ADAM10: variants seen among roughly 807,000 people sequenced by gnomAD.
ADAM10 encodes the protein ADAM metallopeptidase domain 10.
In ADAM10, 17 loss-of-function variants were observed where a neutral mutation model predicts 90.1. The observed-to-expected ratio is 0.19, with a 90% confidence interval of 0.13 to 0.28. The LOEUF is 0.28. Ranked by LOEUF, ADAM10 falls within the 10% of genes least tolerant of loss-of-function variation. The pLI, the probability that ADAM10 is intolerant of heterozygous loss-of-function variation, is 1.00. For synonymous variants in ADAM10, 310 were observed against 298.6 expected, an observed-to-expected ratio of 1.04 and a Z score of -0.40; for missense variants, 610 against 914.3, an observed-to-expected ratio of 0.67 and a Z score of 4.29.
chr15:58,731,006 AC>A (rs1899217811), intron 1 of ADAM10, among the ~76,000 whole-genome samples: 3 of 152,122 alleles, frequency 2.0e-5, no homozygotes, highest in African/African-American at 7.2e-5. Context: ...CTATCATGGG[AC>A]TTTTCAGTCT....
rs145518263 is a variant in ADAM10 at position 58,665,141 on chromosome 15, T to A, written c.541A>T (p.Arg181Ter). 1 of 1,613,430 alleles carries A rather than the reference T, an allele frequency of 6.2e-7. No homozygotes were observed. The highest frequency in any genetic ancestry group is 8.5e-7 in the Non-Finnish European group (1 of 1,179,528). Residue 181 changes from arginine (R) to a stop codon, truncating the protein, a stop_gained, in exon 5 of 16, where the codon AGA becomes TGA. Coordinates refer to ENST00000260408, the MANE Select transcript of ADAM10 (RefSeq NM_001110.4). LOFTEE classifies it high-confidence loss of function. ...GGCADHSVFE[R>*]MRKYQMTGVE... is the part of the protein sequence containing the mutation. Reference sequence around the variant, plus strand: ...CCAGTCATCTGGTATTTCCTCATTCTTTCAAATACTGAATGATCTGCACAG... The same window carrying A: ...CCAGTCATCTGGTATTTCCTCATTCATTCAAATACTGAATGATCTGCACAG...
chr15:58,724,826 A>T (rs1898976054), intron 1 of ADAM10, among the ~76,000 whole-genome samples: 1 of 152,236 alleles, frequency 6.6e-6, no homozygotes, highest in Non-Finnish European at 1.5e-5. Flanking sequence ...CCATCTAGAG[A>T]AGAAAGACCT....
At chr15:58,695,714 G>A (rs560259503) in intron 2 of ADAM10, among the ~76,000 whole-genome samples, 6 of 152,178 alleles carry the variant, frequency 3.9e-5, no homozygotes, top group Non-Finnish European at 5.9e-5. Flanking sequence ...GGCCTGGCAC[G>A]GTATTGGTGG....
At chr15:58,662,934 T>C (rs1292202998) in intron 5 of ADAM10, among the ~76,000 whole-genome samples, 1 of 152,210 alleles carries the variant, frequency 6.6e-6, no homozygotes, top group Non-Finnish European at 1.5e-5. Flanking sequence ...GAGATCTCCT[T>C]CTGTGTGTCA....
intron 2 of ADAM10, among the ~76,000 whole-genome samples, chr15:58,709,479 C>A (rs1164339484): frequency 6.6e-6 from 1 of 152,202 alleles, no homozygotes; most frequent in Admixed American, 6.5e-5. Context: ...TGACTCACGC[C>A]TGTAATCCCA....
At chr15:58,725,216 G>A (rs967972410) in intron 1 of ADAM10, among the ~76,000 whole-genome samples, 9 of 151,524 alleles carry the variant, frequency 5.9e-5, no homozygotes, top group Non-Finnish European at 7.4e-5. Context: ...TAAATAAATC[G>A]TATTTATTAT....
chr15:58,635,042 A>G (rs1354040791), intron 8 of ADAM10, among the ~76,000 whole-genome samples: 2 of 152,086 alleles, frequency 1.3e-5, no homozygotes, highest in African/African-American at 2.4e-5. Flanking sequence ...AAAGCTGAAA[A>G]GAAAAATGTG....
intron 2 of ADAM10, among the ~76,000 whole-genome samples, chr15:58,688,676 G>A (rs1386728257): frequency 1.3e-5 from 2 of 149,444 alleles, no homozygotes; most frequent in African/African-American, 4.9e-5. Context: ...GGGAAGGGGA[G>A]GGACAGGGAA....
chr15:58,610,824 T>C (rs1895418158), intron 13 of ADAM10, 175 bp downstream of exon 13: 1 of 660,734 alleles, frequency 1.5e-6, no homozygotes, highest in East Asian at 2.7e-5. Context: ...TAAAACATTG[T>C]AGAGACCATA....
chr15:58,708,532 AC>A (rs1264253679), intron 2 of ADAM10, among the ~76,000 whole-genome samples: 69 of 152,136 alleles, frequency 4.5e-4, no homozygotes, highest in Middle Eastern at 3.4e-3. Flanking sequence ...GCATAATGGC[AC>A]ACATCTATGG....
intron 2 of ADAM10, among the ~76,000 whole-genome samples, chr15:58,688,286 G>T (rs1000801827): frequency 6.6e-6 from 1 of 151,982 alleles, no homozygotes; most frequent in African/African-American, 2.4e-5. Context: ...CCAGTATTTT[G>T]GGAGGGCAAG....
At chr15:58,685,942 G>A (rs968933196) in intron 2 of ADAM10, among the ~76,000 whole-genome samples, 20 of 152,116 alleles carry the variant, frequency 1.3e-4, no homozygotes, top group African/African-American at 4.8e-4. Context: ...CACAATGGTG[G>A]AGAAACCATT....
At chr15:58,616,839 T>C (rs1895629022) in intron 11 of ADAM10, among the ~76,000 whole-genome samples, 1 of 152,144 alleles carries the variant, frequency 6.6e-6, no homozygotes, top group Admixed American at 6.5e-5. Context: ...CCAGGCACGG[T>C]GGCTTATGTC....
intron 1 of ADAM10, among the ~76,000 whole-genome samples, chr15:58,720,972 A>G (rs557828646): frequency 2.2e-4 from 33 of 152,298 alleles, no homozygotes; most frequent in African/African-American, 7.9e-4. Flanking sequence ...TCGGCACCAA[A>G]GGCGTCAAGC....
intron 2 of ADAM10, among the ~76,000 whole-genome samples, chr15:58,707,540 TAA>T (rs1413454650): frequency 6.6e-6 from 1 of 152,002 alleles, no homozygotes; most frequent in Non-Finnish European, 1.5e-5. Context: ...AACTAAAACT[TAA>T]AATGAGTAAC....
At chr15:58,691,610 T>C in intron 2 of ADAM10, 1 of 462,750 alleles carries the variant, frequency 2.2e-6, no homozygotes, top group South Asian at 1.6e-5. Flanking sequence ...ATACCTCATC[T>C]AATTTCTTGT....
chr15:58,668,671 C>T (rs1373764591), intron 4 of ADAM10, among the ~76,000 whole-genome samples: 2 of 152,112 alleles, frequency 1.3e-5, no homozygotes, highest in Non-Finnish European at 2.9e-5. Context: ...GCTTTGATAA[C>T]ATTTTTGTTA....
At chr15:58,640,630 G>A in intron 8 of ADAM10, 147 bp downstream of exon 8, 1 of 742,016 alleles carries the variant, frequency 1.3e-6, no homozygotes, top group South Asian at 1.7e-5. Context: ...TTTACATTAT[G>A]CTTATGAGTC....
intron 2 of ADAM10, among the ~76,000 whole-genome samples, chr15:58,712,748 C>A (rs1898517227): frequency 6.6e-6 from 1 of 152,016 alleles, no homozygotes; most frequent in African/African-American, 2.4e-5. Flanking sequence ...ATGGCATGAA[C>A]CCAGGAGAGG....
Sources: gnomAD v4.1 joint callset for allele counts (sites outside exome capture counted in the v4.1 genomes callset) on GRCh38, gnomAD v4.1.1 for gene constraint, MANE v1.5 for transcripts, NCBI Gene and HGNC (gene_info 2026-07-23, HGNC 2026-07-21) for gene names.